The following CACNB2 variants were observed in gnomAD, a reference collection of about 807,000 sequenced individuals.
CACNB2 encodes calcium voltage-gated channel auxiliary subunit beta 2.
A neutral mutation model predicts 73.3 loss-of-function variants in CACNB2; 42 were observed. The ratio of observed to expected loss-of-function variants is 0.57; its 90% CI spans 0.45 to 0.74. The LOEUF (loss-of-function observed/expected upper bound fraction) is 0.74. Among genes scored for constraint, CACNB2 ranks in the 30% least tolerant of loss-of-function variants. The pLI is 0.00. For missense variants in CACNB2, 940 were observed against 853.0 expected (o/e 1.10, Z -1.27); for synonymous variants, 348 against 310.3 (o/e 1.12, Z -1.28).
At chr10:18,458,763 C>CTT (rs371122031) in intron 3 of CACNB2, among the ~76,000 whole-genome samples, 343 of 122,576 alleles carry the variant, frequency 2.8e-3, no homozygotes, top group Middle Eastern at 5.2e-3. Context: ...GTAAGGTGAA[C>CTT]TTTTTTTTTT....
At chr10:18,528,441 A>C (rs1156421329) in intron 10 of CACNB2, among the ~76,000 whole-genome samples, 2 of 152,154 alleles carry the variant, frequency 1.3e-5, no homozygotes, top group African/African-American at 4.8e-5. Flanking sequence ...CTGGATGGTT[A>C]GGTTTCTGTT....
chr10:18,161,826 G>A (rs990729853), intron 2 of CACNB2, among the ~76,000 whole-genome samples: 24 of 152,090 alleles, frequency 1.6e-4, no homozygotes, highest in African/African-American at 4.6e-4. Context: ...CTACTGGGGA[G>A]GGTGAGGCAT....
At chr10:18,465,491 G>A (rs927157913) in intron 3 of CACNB2, among the ~76,000 whole-genome samples, 6 of 152,098 alleles carry the variant, frequency 3.9e-5, no homozygotes, top group Admixed American at 6.6e-5. Flanking sequence ...CTTGCCGCAG[G>A]TTGAGTTTTT....
intron 3 of CACNB2, among the ~76,000 whole-genome samples, chr10:18,472,221 CTT>C (rs200348808): frequency 1.4e-3 from 169 of 119,206 alleles, no homozygotes; most frequent in African/African-American, 3.7e-3. Context: ...CACTTTTCTT[CTT>C]TTTTTTTTTT....
intron 2 of CACNB2, among the ~76,000 whole-genome samples, chr10:18,232,679 T>C (rs1440861819): frequency 6.6e-6 from 1 of 152,238 alleles, no homozygotes; most frequent in East Asian, 1.9e-4. Flanking sequence ...TTTGCTATCA[T>C]AAAAGATATG....
chr10:18,234,984 A>G (rs965938096), intron 2 of CACNB2, among the ~76,000 whole-genome samples: 12 of 151,936 alleles, frequency 7.9e-5, no homozygotes, highest in African/African-American at 2.4e-4. Flanking sequence ...TCTACTAAAA[A>G]TATAAAAAAT....
At chr10:18,220,176 C>T (rs7080333) in intron 2 of CACNB2, among the ~76,000 whole-genome samples, 338 of 21,744 alleles carry the variant, frequency 0.016, no homozygotes, top group Non-Finnish European at 0.02. Context: ...CACACACATA[C>T]ATATATATAC....
intron 2 of CACNB2, among the ~76,000 whole-genome samples, chr10:18,259,279 T>C (rs1181883370): frequency 1.3e-5 from 2 of 151,882 alleles, no homozygotes; most frequent in Non-Finnish European, 2.9e-5. Flanking sequence ...ATCATAGACT[T>C]TAAAGGCCAG....
chr10:18,498,086 C>T (rs1441502852), intron 3 of CACNB2, among the ~76,000 whole-genome samples: 1 of 152,132 alleles, frequency 6.6e-6, no homozygotes, highest in Non-Finnish European at 1.5e-5. Context: ...CACATATTTC[C>T]GTGGCTCTTC....
Position 18,506,937 on chromosome 10 carries a change from T to G in CACNB2, c.670+390T>G, listed in dbSNP as rs560297318. ...CCTCCGCTTCCCAAGTAGCTGGGAC[T>G]ACAGGTGCACACCACCATGCCCGGC... On this transcript the variant is annotated intron_variant, in intron 6 of 13. Transcript: ENST00000324631. Among the ~76,000 whole-genome samples, 19 of 152,322 alleles carry G rather than the reference T, an allele frequency of 1.2e-4. No homozygotes were observed. In the South Asian group the frequency reaches 3.9e-3, roughly 32 times the overall value.
At chr10:18,506,365 T>G (rs2133073347) in intron 5 of CACNB2, 106 bp from the exon 6 acceptor site, 1 of 728,120 alleles carries the variant, frequency 1.4e-6, no homozygotes, top group East Asian at 2.7e-5. Context: ...GAAAGATAAA[T>G]TTAAAGTTGA....
chr10:18,433,999 G>C (rs540099447), intron 3 of CACNB2, among the ~76,000 whole-genome samples: 6 of 150,198 alleles, frequency 4.0e-5, no homozygotes, highest in Non-Finnish European at 7.4e-5. Flanking sequence ...AAGAGCTTCG[G>C]TAGAGTTGTA....
chr10:18,428,072 T>C (rs1202880577), intron 3 of CACNB2, among the ~76,000 whole-genome samples: 1 of 152,140 alleles, frequency 6.6e-6, no homozygotes, highest in Non-Finnish European at 1.5e-5. Flanking sequence ...CTAAGTATTT[T>C]CTATTTTCAT....
At position 18,144,926 on chromosome 10, in the gene CACNB2, T is replaced by C. The variant is rs1888694; in HGVS notation, c.120+4070T>C. Among the ~76,000 whole-genome samples, 1,204 of 152,296 alleles carry C rather than the reference T, an allele frequency of 7.9e-3. 13 individuals carry two copies. Among genetic ancestry groups the C allele is most frequent in the African/African-American group, 0.026 (1,088 of 41,560 alleles). ...ATTCTCCAGGGAATTGAATAGCTCCTGCGTGAAGGTTGGGTGAACGGGAAG... is the reference window on the plus strand; with the variant it reads ...ATTCTCCAGGGAATTGAATAGCTCCCGCGTGAAGGTTGGGTGAACGGGAAG... On this transcript the variant is annotated intron_variant, in intron 1 of 13. Coordinates refer to ENST00000324631, the MANE Select transcript of CACNB2 (RefSeq NM_201596.3).
At chr10:18,392,147 A>T (rs1185993279) in intron 2 of CACNB2, among the ~76,000 whole-genome samples, 1 of 152,038 alleles carries the variant, frequency 6.6e-6, no homozygotes, top group Non-Finnish European at 1.5e-5. Flanking sequence ...ACCTCTGAGG[A>T]ATATCAAGGG....
intron 2 of CACNB2, among the ~76,000 whole-genome samples, chr10:18,251,930 G>A (rs1383845959): frequency 6.6e-6 from 1 of 152,176 alleles, no homozygotes; most frequent in Non-Finnish European, 1.5e-5. Context: ...AATTCAACAT[G>A]AGACTTGAGT....
chr10:18,397,372 G>A (rs546245625), intron 2 of CACNB2, among the ~76,000 whole-genome samples: 1 of 152,242 alleles, frequency 6.6e-6, no homozygotes, highest in South Asian at 2.1e-4. Flanking sequence ...GGCTGAGGCA[G>A]GAGAATCACG....
At chr10:18,443,035 T>TAA (rs1221305102) in intron 3 of CACNB2, among the ~76,000 whole-genome samples, 1 of 135,944 alleles carries the variant, frequency 7.4e-6, no homozygotes, top group Non-Finnish European at 1.6e-5. Context: ...TATATATATA[T>TAA]AAATAAGGAA....
At chr10:18,163,101 C>T (rs972581566) in intron 2 of CACNB2, among the ~76,000 whole-genome samples, 1 of 152,028 alleles carries the variant, frequency 6.6e-6, no homozygotes, top group East Asian at 1.9e-4. Flanking sequence ...ACACAGAGGT[C>T]GAAGAGTTGG....
Sources: allele counts gnomAD v4.1 joint callset (sites outside exome capture counted in the v4.1 genomes callset), GRCh38; gene constraint gnomAD v4.1.1; transcripts MANE v1.5; gene names NCBI Gene and HGNC (gene_info 2026-07-23, HGNC 2026-07-21).